Variants in SULT4A1 observed in about 807,000 individuals in gnomAD.
SULT4A1 encodes the protein sulfotransferase family 4A member 1, also known as sulfotransferase 4A1.
In SULT4A1, 11 loss-of-function variants were observed where a neutral mutation model predicts 35.2. The observed-to-expected ratio is 0.31, with a 90% CI of 0.20 to 0.52. The LOEUF (loss-of-function observed/expected upper bound fraction) is 0.52, where lower values mean the gene tolerates loss of function less well. SULT4A1 is among the 20% of genes least tolerant of loss of function. The pLI, the probability that SULT4A1 is intolerant of heterozygous loss-of-function variation, is 0.97. For missense variants in SULT4A1, 271 were observed against 383.7 expected (o/e 0.71, Z 2.45); for synonymous variants, 152 against 151.8 (o/e 1.00, Z -0.01).
At chr22:43,833,766 G>A (rs529542252) in intron 4 of SULT4A1, 32 bp from the exon 5 acceptor site, 75 of 1,542,746 alleles carry the variant, frequency 4.9e-5, no homozygotes, top group Non-Finnish European at 5.6e-5. Flanking sequence ...TGAGCCACAC[G>A]GCTGGGCAGG....
intron 4 of SULT4A1, among the ~76,000 whole-genome samples, chr22:43,836,775 C>T (rs573498597): frequency 7.3e-4 from 111 of 151,272 alleles, no homozygotes; most frequent in South Asian, 1.7e-3. Flanking sequence ...ACAGCGTCCT[C>T]ACACTGCAGG....
At chr22:43,843,648 T>C (rs2063451100) in intron 1 of SULT4A1, among the ~76,000 whole-genome samples, 1 of 152,252 alleles carries the variant, frequency 6.6e-6, no homozygotes. Context: ...GGACAGGCTT[T>C]GAGGAGCTTC....
chr22:43,861,276 C>T (rs2049465086), intron 1 of SULT4A1, among the ~76,000 whole-genome samples: 1 of 152,212 alleles, frequency 6.6e-6, no homozygotes, highest in African/African-American at 2.4e-5. Flanking sequence ...TGCCCGACTG[C>T]TGGTCCGGCG....
chr22:43,832,795 C>T (rs1005287411), intron 5 of SULT4A1, among the ~76,000 whole-genome samples: 3 of 152,268 alleles, frequency 2.0e-5, no homozygotes, highest in Admixed American at 2.0e-4. Flanking sequence ...GGCTGGCCTT[C>T]CTACCCCTGG....
chr22:43,840,071 C>A (rs2063412410), intron 2 of SULT4A1, 46 bp from the exon 3 acceptor site: 1 of 1,517,580 alleles, frequency 6.6e-7, no homozygotes, highest in African/African-American at 1.4e-5. Context: ...AAGGGTGAGA[C>A]CAAGGGGAGG....
chr22:43,836,849 A>G (rs893107160), intron 4 of SULT4A1, among the ~76,000 whole-genome samples: 44 of 151,762 alleles, frequency 2.9e-4, no homozygotes, highest in Non-Finnish European at 1.5e-4. Flanking sequence ...CCCAGCCTAC[A>G]CAGCGTCCTG....
At chr22:43,839,519 G>A (rs547699905) in intron 3 of SULT4A1, among the ~76,000 whole-genome samples, 1 of 152,298 alleles carries the variant, frequency 6.6e-6, no homozygotes, top group South Asian at 2.1e-4. Flanking sequence ...GCTTGAACCA[G>A]GGAGGCAGAG....
chr22:43,861,721 G>A (rs755280826), intron 1 of SULT4A1, among the ~76,000 whole-genome samples: 2 of 152,210 alleles, frequency 1.3e-5, no homozygotes, highest in Non-Finnish European at 2.9e-5. Context: ...CCCACCCGGA[G>A]CCCAGGCTGG....
chr22:43,839,539 A>G (rs2148287974), intron 3 of SULT4A1, among the ~76,000 whole-genome samples: 1 of 152,300 alleles, frequency 6.6e-6, no homozygotes, highest in East Asian at 1.9e-4. Context: ...GGTTGCAGTG[A>G]GCCATGCCAC....
chr22:43,839,045 G>A, intron 3 of SULT4A1, 52 bp from the exon 4 acceptor site: 2 of 1,604,232 alleles, frequency 1.2e-6, no homozygotes, highest in African/African-American at 1.3e-5. Context: ...TCCCAGGCAG[G>A]GCTGCCCCGA....
chr22:43,844,889 G>C (rs1384618245), intron 1 of SULT4A1, among the ~76,000 whole-genome samples: 1 of 152,190 alleles, frequency 6.6e-6, no homozygotes, highest in African/African-American at 2.4e-5. Flanking sequence ...AGGAGGAAGC[G>C]GGGCCCCGCC....
At chr22:43,844,368 G>A (rs2063458538) in intron 1 of SULT4A1, among the ~76,000 whole-genome samples, 1 of 152,168 alleles carries the variant, frequency 6.6e-6, no homozygotes, top group South Asian at 2.1e-4. Context: ...TGTGTGCTGA[G>A]GACACCCTGG....
At chr22:43,839,903 G>T in intron 3 of SULT4A1, 42 bp downstream of exon 3, 1 of 1,559,526 alleles carries the variant, frequency 6.4e-7, no homozygotes, top group Non-Finnish European at 8.7e-7. Flanking sequence ...GGCTCCTCTT[G>T]GTGGGGACTC....
intron 1 of SULT4A1, among the ~76,000 whole-genome samples, chr22:43,849,368 C>T (rs950012142): frequency 1.3e-5 from 2 of 152,162 alleles, no homozygotes; most frequent in African/African-American, 4.8e-5. Context: ...ATACCAAGAC[C>T]CAAAGTGACA....
chr22:43,827,107 A>G, intron 6 of SULT4A1: 1 of 985,442 alleles, frequency 1.0e-6, no homozygotes, highest in Non-Finnish European at 1.2e-6. Context: ...CAAACTTCCC[A>G]GTTATGGGAG....
intron 1 of SULT4A1, 118 bp from the exon 2 acceptor site, chr22:43,842,050 G>A: frequency 1.4e-6 from 2 of 1,434,928 alleles, no homozygotes; most frequent in Non-Finnish European, 1.8e-6. Context: ...GGGGCCCAGG[G>A]CGACTGAGTC....
Position 43,862,229 on chromosome 22 carries a change from T to A in SULT4A1, c.154A>T (p.Thr52Ser), listed in dbSNP as rs372579970. The change falls in exon 1 of 7, where the codon ACC becomes TCC. Residue 52 changes from threonine (T) to serine (S), a missense_variant. By Grantham distance (58) the Thr-to-Ser change is moderately conservative. Coordinates refer to ENST00000330884, the MANE Select transcript of SULT4A1 (RefSeq NM_014351.4). ...PVRPSDVWIV[T>S]YPKSGTSLLQ... Reference sequence around the variant, plus strand: ...CGGGGCTCACCGGACTTGGGGTAGGTGACGATCCACACGTCGCTGGGCCGC... The same window carrying A: ...CGGGGCTCACCGGACTTGGGGTAGGAGACGATCCACACGTCGCTGGGCCGC... The A allele has an allele frequency of 3.9e-6, 6 of 1,557,434 alleles. No individual in the cohort carries two copies. Among genetic ancestry groups the A allele is most frequent in the Non-Finnish European group, 5.2e-6 (6 of 1,152,116 alleles).
intron 1 of SULT4A1, among the ~76,000 whole-genome samples, 168 bp from the exon 2 acceptor site, chr22:43,842,100 C>G (rs2063435908): frequency 1.3e-5 from 2 of 152,204 alleles, no homozygotes; most frequent in Admixed American, 1.3e-4. Flanking sequence ...CAGCCTGAAT[C>G]CCCCGTGCTG....
At chr22:43,860,530 G>A (rs907799222) in intron 1 of SULT4A1, among the ~76,000 whole-genome samples, 13 of 152,142 alleles carry the variant, frequency 8.5e-5, no homozygotes, top group African/African-American at 3.1e-4. Flanking sequence ...AGCTCAATGG[G>A]ATTCTATGAT....
Sources: gnomAD v4.1 joint callset for allele counts (sites outside exome capture counted in the v4.1 genomes callset) on GRCh38, gnomAD v4.1.1 for gene constraint, MANE v1.5 for transcripts, NCBI Gene and HGNC (gene_info 2026-07-23, HGNC 2026-07-21) for gene names.